GNG2: variants seen among roughly 807,000 people sequenced by gnomAD.
GNG2 encodes G protein subunit gamma 2.
Under a neutral mutation model 5.5 loss-of-function variants are expected in GNG2, and 5 were observed. The observed-to-expected ratio is 0.91, with a 90% confidence interval of 0.48 to 1.92. The LOEUF (loss-of-function observed/expected upper bound fraction) is 1.92, where lower values mean the gene tolerates loss of function less well. Ranked by LOEUF, GNG2 falls within the 30% of genes most tolerant of loss-of-function variation. GNG2 has a pLI of 0.01. For missense variants in GNG2, 55 were observed against 88.4 expected (o/e 0.62, Z 1.52); for synonymous variants, 28 against 32.0 (o/e 0.88, Z 0.42).
At chr14:51,839,283 TG>T (rs1881419894) in intron 2 of GNG2, among the ~76,000 whole-genome samples, 2 of 152,104 alleles carry the variant, frequency 1.3e-5, no homozygotes, top group South Asian at 4.1e-4. Flanking sequence ...TCTGGAAAGG[TG>T]GGTCAACTTG....
rs1192400548 is a variant in GNG2 at position 51,901,117 on chromosome 14, C to T, written c.-30+23460C>T. On this transcript the variant is annotated intron_variant, in intron 2 of 3. Transcript: ENST00000556766. Reference sequence around the variant, plus strand: ...TTGGGATATCCAGAGTTGGCATGCACCATTAGAGCTATATTGGGTGTTAAC... The same window carrying T: ...TTGGGATATCCAGAGTTGGCATGCATCATTAGAGCTATATTGGGTGTTAAC... 3.3e-5 allele frequency among the ~76,000 whole-genome samples: 5 copies of T among 152,108 alleles called. 1 individual carries two copies. Among genetic ancestry groups the T allele is most frequent in the Non-Finnish European group, 7.4e-5 (5 of 68,016 alleles).
chr14:51,846,668 G>A (rs1881636234), intron 2 of GNG2, among the ~76,000 whole-genome samples: 1 of 152,142 alleles, frequency 6.6e-6, no homozygotes, highest in South Asian at 2.1e-4. Flanking sequence ...AGTGCTGAAG[G>A]GCTCTAGTCA....
chr14:51,875,375 A>C (rs1252749218), intron 1 of GNG2, among the ~76,000 whole-genome samples: 1 of 152,214 alleles, frequency 6.6e-6, no homozygotes, highest in Non-Finnish European at 1.5e-5. Flanking sequence ...GAATTTTGTC[A>C]CATGACTGCA....
rs549339102 is a variant in GNG2 at position 51,963,408 on chromosome 14, A to G, written c.88-3151A>G. Reference sequence around the variant, plus strand: ...TCTCCTCGTAACAAATGAGTTTTAGATATCACTGATTTACTGTCTCCACTG... The same window carrying G: ...TCTCCTCGTAACAAATGAGTTTTAGGTATCACTGATTTACTGTCTCCACTG... On this transcript the variant is annotated intron_variant, in intron 3 of 3. Transcript: ENST00000556766. Among the ~76,000 whole-genome samples the G allele has an allele frequency of 2.5e-3, 383 of 152,322 alleles. 2 individuals carry two copies. Among genetic ancestry groups the G allele is most frequent in the Non-Finnish European group, 4.4e-3 (299 of 68,028 alleles).
intron 2 of GNG2, among the ~76,000 whole-genome samples, chr14:51,852,423 T>C (rs1470419339): frequency 1.3e-5 from 2 of 152,204 alleles, no homozygotes; most frequent in Non-Finnish European, 2.9e-5. Context: ...GATACAAGAC[T>C]GAGTAAGACA....
chr14:51,904,223 A>C (rs1259966180), intron 2 of GNG2, among the ~76,000 whole-genome samples: 1 of 152,190 alleles, frequency 6.6e-6, no homozygotes, highest in Non-Finnish European at 1.5e-5. Context: ...TGTCTCTGAA[A>C]GCCCAGAGTA....
At chr14:51,948,596 G>A (rs1410297511) in intron 2 of GNG2, among the ~76,000 whole-genome samples, 1 of 152,188 alleles carries the variant, frequency 6.6e-6, no homozygotes, top group African/African-American at 2.4e-5. Context: ...GCTGTTAGAT[G>A]TTTGTTTAAT....
intron 2 of GNG2, among the ~76,000 whole-genome samples, chr14:51,945,698 T>C (rs1472301716): frequency 1.3e-5 from 2 of 152,236 alleles, no homozygotes; most frequent in Admixed American, 1.3e-4. Flanking sequence ...TTGTGCATTT[T>C]ATCACAATTT....
At chr14:51,899,133 T>C (rs1461658271) in intron 2 of GNG2, among the ~76,000 whole-genome samples, 4 of 152,158 alleles carry the variant, frequency 2.6e-5, no homozygotes, top group Admixed American at 2.6e-4. Flanking sequence ...CTACAGCATA[T>C]TTCTTGTCCT....
At chr14:51,850,791 G>A (rs1276545072) in intron 2 of GNG2, among the ~76,000 whole-genome samples, 1 of 152,184 alleles carries the variant, frequency 6.6e-6, no homozygotes, top group Non-Finnish European at 1.5e-5. Flanking sequence ...AGGAGCAAGA[G>A]AGAGAGAGTG....
intron 2 of GNG2, among the ~76,000 whole-genome samples, chr14:51,905,841 A>G (rs1343720506): frequency 1.3e-5 from 2 of 152,220 alleles, no homozygotes; most frequent in African/African-American, 4.8e-5. Context: ...GCTTTCCCCA[A>G]TTTTACTCGG....
chr14:51,935,027 T>TC (rs1425669613), intron 2 of GNG2, among the ~76,000 whole-genome samples: 3 of 148,366 alleles, frequency 2.0e-5, no homozygotes, highest in African/African-American at 7.4e-5. Context: ...GTTTCTTTCT[T>TC]TTTTTTTTTT....
In GNG2 at chr14:51,950,814, A is replaced by G. The variant is rs756485867; in HGVS notation, c.87+49A>G. The G allele has an allele frequency of 1.3e-5, 15 of 1,118,090 alleles. No homozygotes were observed. In the Admixed American group the frequency reaches 3.6e-4, roughly 27 times the overall value. The allele number at this position is 1,118,090 out of a possible 1,614,324, so 69.3% of individuals were successfully genotyped here. ...TTCATCTAGCGTGAGTCTAAGGCGC[A>G]TGTCATGTGACCACTCTTTCCTAGA... On this transcript the variant is annotated intron_variant, in intron 3 of 3. Transcript: ENST00000556766.
intron 2 of GNG2, among the ~76,000 whole-genome samples, chr14:51,853,806 G>C (rs1882022255): frequency 6.6e-6 from 1 of 151,972 alleles, no homozygotes; most frequent in South Asian, 2.1e-4. Flanking sequence ...TGGGTGCACA[G>C]TGTTCTCTAA....
intron 2 of GNG2, chr14:51,914,240 T>C: frequency 1.4e-6 from 1 of 702,300 alleles, no homozygotes; most frequent in South Asian, 1.5e-5. Flanking sequence ...TGAATGGAGT[T>C]ATTAGGCAAC....
At chr14:51,845,265 T>C (rs1594831376) in intron 2 of GNG2, among the ~76,000 whole-genome samples, 1 of 152,130 alleles carries the variant, frequency 6.6e-6, no homozygotes, top group African/African-American at 2.4e-5. Context: ...CCAAGGCAGG[T>C]GGATTGCTTG....
At chr14:51,964,862 G>A (rs1307571698) in intron 3 of GNG2, among the ~76,000 whole-genome samples, 1 of 152,154 alleles carries the variant, frequency 6.6e-6, no homozygotes, top group African/African-American at 2.4e-5. Context: ...AGCTAGGCAT[G>A]GTGGCATGCA....
chr14:51,852,920 G>T (rs1594837582), intron 2 of GNG2, among the ~76,000 whole-genome samples: 1 of 152,156 alleles, frequency 6.6e-6, no homozygotes, highest in Non-Finnish European at 1.5e-5. Context: ...TCTAAGTCAA[G>T]AACAGATTTT....
chr14:51,929,106 C>T (rs922857784), intron 2 of GNG2, among the ~76,000 whole-genome samples: 1 of 152,096 alleles, frequency 6.6e-6, no homozygotes, highest in African/African-American at 2.4e-5. Flanking sequence ...GGACCAAATC[C>T]TGGGAATTTG....
Sources: gnomAD v4.1 joint callset for allele counts (sites outside exome capture counted in the v4.1 genomes callset) on GRCh38, gnomAD v4.1.1 for gene constraint, MANE v1.5 for transcripts, NCBI Gene and HGNC (gene_info 2026-07-23, HGNC 2026-07-21) for gene names.